Variants in ARMC3 observed in about 807,000 individuals in gnomAD.
ARMC3 encodes armadillo repeat-containing protein 3.
In ARMC3, 74 loss-of-function variants were observed where a neutral mutation model predicts 90.3. That is an observed-to-expected ratio of 0.82 (90% CI 0.68 to 0.99). The LOEUF is 0.99. ARMC3 is among the 50% of genes least tolerant of loss of function. The pLI, the probability that ARMC3 is intolerant of heterozygous loss-of-function variation, is 0.00. For synonymous variants in ARMC3, 334 were observed against 361.8 expected (o/e 0.92, Z 0.87); for missense variants, 958 against 1,042.8 (o/e 0.92, Z 1.12).
At chr10:22,981,894 T>C (rs1836209773) in intron 10 of ARMC3, among the ~76,000 whole-genome samples, 194 bp downstream of exon 10, 1 of 152,340 alleles carries the variant, frequency 6.6e-6, no homozygotes, top group East Asian at 1.9e-4. Context: ...TACAAAATCT[T>C]TACTGTTTCT....
chr10:23,036,991 C>G (rs567995458), intron 18 of ARMC3, among the ~76,000 whole-genome samples: 1 of 152,150 alleles, frequency 6.6e-6, no homozygotes, highest in Non-Finnish European at 1.5e-5. Flanking sequence ...TAGCTTTTTT[C>G]CAATCACCCT....
chr10:22,989,267 G>C (rs531813308), intron 10 of ARMC3, among the ~76,000 whole-genome samples: 2 of 152,250 alleles, frequency 1.3e-5, no homozygotes, highest in East Asian at 1.9e-4. Context: ...ACTGCTAAAC[G>C]TGTGTTTAAC....
At chr10:23,013,488 A>C (rs964146354) in intron 16 of ARMC3, among the ~76,000 whole-genome samples, 5 of 152,218 alleles carry the variant, frequency 3.3e-5, no homozygotes, top group African/African-American at 1.2e-4. Flanking sequence ...CTTAATTGAC[A>C]AATGAATTAT....
In ARMC3 at chr10:22,998,306, T is replaced by C; in HGVS notation, c.1334T>C (p.Ile445Thr). Residue 445 changes from isoleucine to threonine, a missense_variant, in exon 11 of 19, where the codon ATC becomes ACC. Coordinates refer to ENST00000298032, the MANE Select transcript of ARMC3 (RefSeq NM_173081.5). ...AATCACGACATCATGCATGCCATCA[T>C]CAGCCCACTGCGTTCTGCAAACACA... ...IQNHDIMHAIISPLRSANTVV... is the reference protein window; with the variant it reads ...IQNHDIMHAITSPLRSANTVV... The C allele has an allele frequency of 6.2e-7, 1 of 1,613,096 alleles. No homozygotes were observed. The highest frequency in any genetic ancestry group is 8.5e-7 in the Non-Finnish European group (1 of 1,179,494).
At chr10:22,932,153 A>G in intron 2 of ARMC3, 109 bp downstream of exon 2, 2 of 773,470 alleles carry the variant, frequency 2.6e-6, no homozygotes, top group South Asian at 4.8e-5. Flanking sequence ...CGGTGGCAGA[A>G]GTCCAAAGTC....
intron 12 of ARMC3, among the ~76,000 whole-genome samples, chr10:23,002,661 T>G (rs1025049675): frequency 4.0e-5 from 6 of 151,438 alleles, no homozygotes; most frequent in Non-Finnish European, 7.4e-5. Flanking sequence ...AGTGCAGTGG[T>G]GCAATCTCAG....
chr10:22,994,471 C>A (rs1342337505), intron 10 of ARMC3, among the ~76,000 whole-genome samples: 3 of 152,070 alleles, frequency 2.0e-5, no homozygotes, highest in Non-Finnish European at 4.4e-5. Flanking sequence ...GCCGAGGTGG[C>A]AGGATTGCTT....
At chr10:22,968,597 T>G (rs1364702806) in intron 8 of ARMC3, 108 bp downstream of exon 8, 1 of 969,118 alleles carries the variant, frequency 1.0e-6, no homozygotes, top group East Asian at 2.9e-5. Flanking sequence ...CCTCCCCAGG[T>G]TACAAGTGAT....
chr10:22,967,907 C>T (rs1043558067), intron 7 of ARMC3, among the ~76,000 whole-genome samples: 1 of 152,228 alleles, frequency 6.6e-6, no homozygotes, highest in African/African-American at 2.4e-5. Flanking sequence ...CGGCCACACA[C>T]TCGCAATACT....
At chr10:22,961,748 G>T (rs1312769203) in intron 6 of ARMC3, 136 bp from the exon 7 acceptor site, 1 of 678,448 alleles carries the variant, frequency 1.5e-6, no homozygotes, top group Non-Finnish European at 2.4e-6. Context: ...TATTTTTTGA[G>T]TTATTTTGGA....
At chr10:22,976,831 A>AAATGC (rs1427572986) in intron 8 of ARMC3, among the ~76,000 whole-genome samples, 16 of 152,318 alleles carry the variant, frequency 1.1e-4, no homozygotes, top group African/African-American at 3.4e-4. Flanking sequence ...AACCTTCTGA[A>AAATGC]AATGCACAAA....
At chr10:22,955,056 A>G (rs915197616) in intron 3 of ARMC3, 1 of 152,162 alleles carries the variant, frequency 6.6e-6, no homozygotes, top group African/African-American at 2.4e-5. Context: ...CCAGCTCAAA[A>G]AGAGAGAGGA....
chr10:23,007,191 C>T (rs577645812), intron 14 of ARMC3, among the ~76,000 whole-genome samples: 6 of 152,332 alleles, frequency 3.9e-5, no homozygotes, highest in African/African-American at 1.2e-4. Flanking sequence ...ACTCTCTGCT[C>T]TCTTTCTTTG....
intron 16 of ARMC3, chr10:23,014,550 TA>T: frequency 1.1e-6 from 1 of 932,848 alleles, no homozygotes; most frequent in Non-Finnish European, 1.3e-6. Flanking sequence ...GGGATCAACC[TA>T]AATGCCCATC....
At chr10:22,930,655 T>C (rs960631885) in intron 1 of ARMC3, among the ~76,000 whole-genome samples, 11 of 152,216 alleles carry the variant, frequency 7.2e-5, no homozygotes, top group Admixed American at 2.6e-4. Flanking sequence ...TGATAAATTC[T>C]GGTCAGTGTC....
intron 3 of ARMC3, among the ~76,000 whole-genome samples, chr10:22,947,499 A>G (rs1804574179): frequency 6.6e-6 from 1 of 152,228 alleles, no homozygotes; most frequent in African/African-American, 2.4e-5. Flanking sequence ...TTCAGGTACA[A>G]AATACCTAGC....
chr10:22,945,506 T>C (rs1834491702), intron 2 of ARMC3, among the ~76,000 whole-genome samples: 1 of 152,258 alleles, frequency 6.6e-6, no homozygotes, highest in South Asian at 2.1e-4. Context: ...TTCTTTAGAC[T>C]ATATTATCAT....
intron 10 of ARMC3, among the ~76,000 whole-genome samples, chr10:22,994,826 A>G (rs1204019729): frequency 6.6e-6 from 1 of 152,192 alleles, no homozygotes; most frequent in Admixed American, 6.5e-5. Context: ...TTGCTAATAG[A>G]TTGACGTCAC....
intron 6 of ARMC3, chr10:22,961,647 A>G: frequency 2.5e-6 from 1 of 406,900 alleles, no homozygotes; most frequent in Non-Finnish European, 4.3e-6. Flanking sequence ...ACAATAGATA[A>G]AAGTCATAGA....
Sources: allele counts gnomAD v4.1 joint callset (sites outside exome capture counted in the v4.1 genomes callset), GRCh38; gene constraint gnomAD v4.1.1; transcripts MANE v1.5; gene names NCBI Gene and HGNC (gene_info 2026-07-23, HGNC 2026-07-21).